ZFPM1: variants seen among roughly 807,000 people sequenced by gnomAD.
The protein encoded by ZFPM1 is zinc finger protein ZFPM1.
Under a neutral mutation model 46.3 loss-of-function variants are expected in ZFPM1, and 28 were observed. The observed-to-expected ratio is 0.60, with a 90% CI of 0.45 to 0.83. ZFPM1 has a LOEUF of 0.83. Ranked by LOEUF, ZFPM1 falls within the 40% of genes least tolerant of loss-of-function variation. The probability of loss-of-function intolerance (pLI) is 0.00; values close to 1 mark genes in which losing one functional copy is unlikely to be tolerated. For synonymous variants in ZFPM1, 957 were observed against 675.9 expected (o/e 1.42, Z -6.45); for missense variants, 1,878 against 1,432.4 (o/e 1.31, Z -5.02).
Position 88,518,753 on chromosome 16 carries a change from A to G in ZFPM1, c.402+4233A>G, listed in dbSNP as rs1429446758. On this transcript the variant is annotated intron_variant, in intron 4 of 9. Coordinates refer to ENST00000319555, the MANE Select transcript of ZFPM1 (RefSeq NM_153813.3). ...GCTGAGAGGGTGGATGGATGGATGG[A>G]TGGATGGATGGATGGATGGATGATG... Among the ~76,000 whole-genome samples the G allele has an allele frequency of 5.1e-4, 61 of 120,524 alleles. 1 individual carries two copies. Among genetic ancestry groups the G allele is most frequent in the Non-Finnish European group, 9.3e-4 (54 of 58,292 alleles). The allele number at this position is 120,524 out of a possible 152,430, so 79.1% of individuals were successfully genotyped here.
chr16:88,486,676 T>C (rs1475234320), intron 2 of ZFPM1, among the ~76,000 whole-genome samples: 1 of 149,818 alleles, frequency 6.7e-6, no homozygotes, highest in Admixed American at 6.6e-5. Flanking sequence ...CAGTGGGTGC[T>C]AGGTACACAG....
intron 3 of ZFPM1, among the ~76,000 whole-genome samples, chr16:88,500,398 A>G (rs145687706): frequency 5.5e-4 from 84 of 152,352 alleles, no homozygotes; most frequent in African/African-American, 1.9e-3. Flanking sequence ...TGGGCAAGCC[A>G]CAAGCGTGTC....
At chr16:88,521,742 CACA>C (rs1911911578) in intron 4 of ZFPM1, among the ~76,000 whole-genome samples, 4 of 97,254 alleles carry the variant, frequency 4.1e-5, no homozygotes, top group Non-Finnish European at 6.2e-5. Flanking sequence ...GTGCTGTTCC[CACA>C]CCCTGTGCTG....
intron 3 of ZFPM1, among the ~76,000 whole-genome samples, chr16:88,514,107 G>A (rs527941942): frequency 9.9e-5 from 15 of 152,258 alleles, no homozygotes; most frequent in Non-Finnish European, 1.8e-4. Flanking sequence ...TGTCCCACCC[G>A]CAGCCCTTGC....
chr16:88,490,644 C>T lies in ZFPM1; in HGVS notation c.268+1491C>T, dbSNP rs113728726. On this transcript the variant is annotated intron_variant, in intron 3 of 9. Transcript: ENST00000319555. ...TGCAAGTAGGCAGCCGCTTGTTTAACGCTGCCCCTTCCCACAACAGGGCAG... is the reference window on the plus strand; with the variant it reads ...TGCAAGTAGGCAGCCGCTTGTTTAATGCTGCCCCTTCCCACAACAGGGCAG... Among the ~76,000 whole-genome samples, 239 of 152,322 alleles carry T rather than the reference C, an allele frequency of 1.6e-3. 1 individual carries two copies. Among genetic ancestry groups the T allele is most frequent in the African/African-American group, 5.5e-3 (230 of 41,564 alleles).
chr16:88,496,056 G>A (rs1273850665), intron 3 of ZFPM1, among the ~76,000 whole-genome samples: 1 of 152,108 alleles, frequency 6.6e-6, no homozygotes, highest in Non-Finnish European at 1.5e-5. Flanking sequence ...GCCATCCTTG[G>A]GCAGGGCAGG....
chr16:88,483,822 A>C (rs1437614324), intron 1 of ZFPM1, among the ~76,000 whole-genome samples: 1 of 152,228 alleles, frequency 6.6e-6, no homozygotes, highest in Non-Finnish European at 1.5e-5. Flanking sequence ...CAGCCTGCTC[A>C]TGATCAGAGA....
intron 3 of ZFPM1, among the ~76,000 whole-genome samples, chr16:88,493,424 G>A (rs1164475813): frequency 2.7e-5 from 4 of 145,550 alleles, no homozygotes; most frequent in Admixed American, 6.8e-5. Context: ...GGGGTGCGGG[G>A]AGCTGTCCCG....
Position 88,532,899 on chromosome 16 carries a change from C to T in ZFPM1, c.1153C>T (p.Pro385Ser), listed in dbSNP as rs1912909165. 6.2e-7 allele frequency: 1 copy of T among 1,613,156 alleles called. No individual in the cohort carries two copies. The highest frequency in any genetic ancestry group is 1.3e-5 in the African/African-American group (1 of 74,930). The part of the protein sequence containing the change: ...QPGSKGEIYS[P>S]GAGHPATKLP... Reference sequence around the variant, plus strand: ...TGGCTCCAAGGGTGAGATCTACTCGCCAGGGGCCGGACACCCAGCAACCAA... The same window carrying T: ...TGGCTCCAAGGGTGAGATCTACTCGTCAGGGGCCGGACACCCAGCAACCAA... Residue 385 changes from proline to serine, a missense_variant, in exon 9 of 10, where the codon CCA becomes TCA. Transcript: ENST00000319555.
At chr16:88,487,608 G>A (rs1165219763) in intron 2 of ZFPM1, among the ~76,000 whole-genome samples, 1 of 152,152 alleles carries the variant, frequency 6.6e-6, no homozygotes, top group Admixed American at 6.5e-5. Context: ...CTTGGTCCCT[G>A]GCTTGGGAGC....
At chr16:88,460,910 A>G (rs1907792103) in intron 1 of ZFPM1, among the ~76,000 whole-genome samples, 1 of 114,332 alleles carries the variant, frequency 8.7e-6, no homozygotes. Context: ...AGGCCTGGTG[A>G]GGACCGAGGG....
intron 4 of ZFPM1, among the ~76,000 whole-genome samples, chr16:88,517,476 G>GTGGGTGGA (rs1555527387): frequency 7.6e-5 from 10 of 130,844 alleles, no homozygotes; most frequent in Non-Finnish European, 1.3e-4. Flanking sequence ...GGATGGCTGG[G>GTGGGTGGA]TGGATGGATG....
intron 1 of ZFPM1, among the ~76,000 whole-genome samples, chr16:88,461,175 CCGAGGGGCGGGGCGG>C (rs1206776504): frequency 9.2e-6 from 1 of 108,338 alleles, no homozygotes; most frequent in Non-Finnish European, 1.7e-5. Flanking sequence ...CTGGTGAGGA[CCGAGGGGCGGGGCGG>C]GAGGCCTGGT....
intron 5 of ZFPM1, 24 bp downstream of exon 5, chr16:88,526,940 T>C (rs374614797): frequency 2.7e-4 from 412 of 1,542,078 alleles, no homozygotes; most frequent in Non-Finnish European, 3.5e-4. Flanking sequence ...GGCACCTCCG[T>C]CCCAAGCCTT....
At chr16:88,516,758 C>A in intron 4 of ZFPM1, 1 of 394,300 alleles carries the variant, frequency 2.5e-6, no homozygotes, top group Non-Finnish European at 4.5e-6. Context: ...GCCTCCTGCC[C>A]GGATCGCCCC....
chr16:88,456,768 T>C (rs183698869), intron 1 of ZFPM1, among the ~76,000 whole-genome samples: 7 of 152,196 alleles, frequency 4.6e-5, no homozygotes, highest in African/African-American at 1.4e-4. Context: ...GGTCTCCCAC[T>C]CTGAAAAATG....
intron 3 of ZFPM1, among the ~76,000 whole-genome samples, chr16:88,493,235 C>T (rs565898660): frequency 1.1e-4 from 4 of 37,320 alleles, no homozygotes; most frequent in Middle Eastern, 0.019. Flanking sequence ...AGCTGTCCCA[C>T]GGTGAGGAGA....
chr16:88,512,758 G>A (rs1344803126), intron 3 of ZFPM1, among the ~76,000 whole-genome samples: 1 of 152,174 alleles, frequency 6.6e-6, no homozygotes, highest in African/African-American at 2.4e-5. Context: ...CACACCAGGA[G>A]CTCCCATCGG....
In ZFPM1 at chr16:88,495,667, C is replaced by T. The variant is rs991167943; in HGVS notation, c.268+6514C>T. ...CCATGCTAGGCGGGGAGTGAGGAGG[C>T]GGCCTCAGAGGCCCACAGGACTTGC... On this transcript the variant is annotated intron_variant, in intron 3 of 9. Transcript: ENST00000319555. Among the ~76,000 whole-genome samples, 11 of 152,250 alleles carry T rather than the reference C, an allele frequency of 7.2e-5. No individual in the cohort carries two copies. In the South Asian group the frequency reaches 8.3e-4, roughly 11 times the overall value.
Sources: gnomAD v4.1 joint callset for allele counts (sites outside exome capture counted in the v4.1 genomes callset) on GRCh38, gnomAD v4.1.1 for gene constraint, MANE v1.5 for transcripts, NCBI Gene and HGNC (gene_info 2026-07-23, HGNC 2026-07-21) for gene names.